Variants in CBLB observed in about 807,000 individuals in gnomAD.
CBLB encodes the protein Cbl proto-oncogene B, also known as E3 ubiquitin-protein ligase CBL-B.
Under a neutral mutation model 104.9 loss-of-function variants are expected in CBLB, and 31 were observed. The observed-to-expected ratio is 0.30, with a 90% CI of 0.22 to 0.40. The LOEUF (loss-of-function observed/expected upper bound fraction) is 0.40, where lower values mean the gene tolerates loss of function less well. Among genes scored for constraint, CBLB ranks in the 10% least tolerant of loss-of-function variants. The pLI, the probability that CBLB is intolerant of heterozygous loss-of-function variation, is 1.00. For missense variants in CBLB, 1,062 were observed against 1,214.6 expected (o/e 0.87, Z 1.87); for synonymous variants, 440 against 422.6 (o/e 1.04, Z -0.51).
In CBLB at chr3:105,816,315, C is replaced by T. The variant is rs369633741; in HGVS notation, c.419+37099G>A. Among the ~76,000 whole-genome samples the T allele has an allele frequency of 5.6e-4, 85 of 152,048 alleles. No homozygotes were observed. In the East Asian group the frequency reaches 5.6e-3, roughly 10 times the overall value. ...GACTGCCCTTATTAATTTTAAAAAA[C>T]GAACAAATTGGCTGCTCCAAAATCA... On this transcript the variant is annotated intron_variant, in intron 3 of 18. Coordinates refer to ENST00000394030, the MANE Select transcript of CBLB (RefSeq NM_170662.5).
rs1319914017 is a variant in CBLB, at chr3:105,824,325, G to A, written c.419+29089C>T. On this transcript the variant is annotated intron_variant, in intron 3 of 18. Transcript: ENST00000394030. Reference sequence around the variant, plus strand: ...GGCTCTGTAACATGTACTATTGGTGGAGACTGTTACCATGGATGCAAAGTC... The same window carrying A: ...GGCTCTGTAACATGTACTATTGGTGAAGACTGTTACCATGGATGCAAAGTC... 2.6e-5 allele frequency: 4 copies of A among 152,148 alleles called. No individual in the cohort carries two copies. In the East Asian group the frequency reaches 7.7e-4, roughly 29 times the overall value. The allele number at this position is 152,148 out of a possible 1,614,324, so 9.4% of individuals were successfully genotyped here.
intron 6 of CBLB, among the ~76,000 whole-genome samples, chr3:105,743,137 T>C (rs1239415350): frequency 1.3e-5 from 2 of 152,186 alleles, no homozygotes; most frequent in African/African-American, 2.4e-5. Flanking sequence ...TTTTAGCACC[T>C]TGCTCTCTTA....
At chr3:105,782,631 G>A (rs2080423506) in intron 3 of CBLB, among the ~76,000 whole-genome samples, 1 of 149,346 alleles carries the variant, frequency 6.7e-6, no homozygotes, top group South Asian at 2.1e-4. Context: ...TATTGCCCAG[G>A]CTGGAATGCA....
At chr3:105,741,103 T>TTTG (rs1485545744) in intron 6 of CBLB, among the ~76,000 whole-genome samples, 2 of 127,462 alleles carry the variant, frequency 1.6e-5, no homozygotes, top group Middle Eastern at 4.0e-3. Flanking sequence ...GGGTTTTTTT[T>TTTG]TTTTTTTTTT....
chr3:105,822,367 A>C (rs529907927), intron 3 of CBLB, among the ~76,000 whole-genome samples: 24 of 152,210 alleles, frequency 1.6e-4, no homozygotes, highest in Non-Finnish European at 2.8e-4. Flanking sequence ...TATTCTCAGG[A>C]TGAGCATTCT....
Position 105,658,457 on chromosome 3 carries a change from G to C in CBLB, c.*513C>G, listed in dbSNP as rs933472700. 74 of 227,032 alleles carry C rather than the reference G, an allele frequency of 3.3e-4. No individual in the cohort carries two copies. Among genetic ancestry groups the C allele is most frequent in the African/African-American group, 1.6e-3 (71 of 44,786 alleles). 14.1% of individuals were successfully genotyped at this position (227,032 alleles called of 1,614,324 possible). On this transcript the variant is annotated 3_prime_UTR_variant, in exon 19 of 19. Transcript: ENST00000394030. ...AACCTTCAAAGCATCTTGTGAATGA[G>C]AGAAATGGAACTGGACCTGGGCAAG...
intron 3 of CBLB, among the ~76,000 whole-genome samples, chr3:105,826,115 A>ACAGCATGT (rs2086543231): frequency 4.8e-5 from 1 of 20,646 alleles, no homozygotes; most frequent in Non-Finnish European, 1.6e-4. Flanking sequence ...TGACAGCATG[A>ACAGCATGT]CATGGATCCA....
rs978090379 is a variant in CBLB at position 105,658,796 on chromosome 3, C to T, written c.*174G>A. 9.0e-6 allele frequency: 6 copies of T among 668,820 alleles called. No homozygotes were observed. Among genetic ancestry groups the T allele is most frequent in the South Asian group, 3.9e-5 (2 of 51,308 alleles). 41.4% of individuals were successfully genotyped at this position (668,820 alleles called of 1,614,324 possible). On this transcript the variant is annotated 3_prime_UTR_variant, in exon 19 of 19. Coordinates refer to ENST00000394030, the MANE Select transcript of CBLB (RefSeq NM_170662.5). The stretch of plus-strand genomic sequence containing the variant: ...GCAAAAACAAGGAAGCCACAGCTGT[C>T]GACATCCTGAGCAAGCATCGGTCTC...
At chr3:105,791,555 GATAAAGAGACTC>G (rs1403895077) in intron 3 of CBLB, among the ~76,000 whole-genome samples, 1 of 152,198 alleles carries the variant, frequency 6.6e-6, no homozygotes, top group Non-Finnish European at 1.5e-5. Context: ...TAATTCTCTT[GATAAAGAGACTC>G]CTAGCAGCTC....
At chr3:105,838,784 C>T (rs923735349) in intron 3 of CBLB, among the ~76,000 whole-genome samples, 5 of 151,706 alleles carry the variant, frequency 3.3e-5, no homozygotes, top group African/African-American at 7.3e-5. Flanking sequence ...TGATTACAGG[C>T]GCATGCCACC....
intron 4 of CBLB, among the ~76,000 whole-genome samples, chr3:105,756,256 T>C (rs562847320): frequency 6.6e-6 from 1 of 152,262 alleles, no homozygotes; most frequent in East Asian, 1.9e-4. Context: ...GATTAAACTA[T>C]AGGAAATAAG....
Position 105,743,732 on chromosome 3 carries a change from TA to T in CBLB, c.845+2184del, listed in dbSNP as rs757956619. On this transcript the variant is annotated intron_variant, in intron 6 of 18. Coordinates refer to ENST00000394030, the MANE Select transcript of CBLB (RefSeq NM_170662.5). ...CAAAGACATGAAATACTTTCCAAGATAAAAAAAAAAAAAATGTTAAACACAG... is the reference window on the plus strand; with the variant it reads ...CAAAGACATGAAATACTTTCCAAGATAAAAAAAAAAAAATGTTAAACACAG... Among the ~76,000 whole-genome samples the T allele has an allele frequency of 6.9e-3, 928 of 134,058 alleles. 4 individuals carry two copies. The highest frequency in any genetic ancestry group is 0.01 in the African/African-American group (373 of 36,858). The allele number at this position is 134,058 out of a possible 152,430, so 87.9% of individuals were successfully genotyped here.
At chr3:105,806,370 T>C (rs985922131) in intron 3 of CBLB, among the ~76,000 whole-genome samples, 1 of 151,090 alleles carries the variant, frequency 6.6e-6, no homozygotes, top group African/African-American at 2.4e-5. Context: ...AGGAATACAA[T>C]CCTCAATGGG....
intron 17 of CBLB, chr3:105,670,753 C>T (rs112404314): frequency 8.4e-4 from 163 of 194,496 alleles, no homozygotes; most frequent in African/African-American, 3.7e-3. Context: ...TTGGATCCTC[C>T]CTATAAGAGT....
intron 18 of CBLB, among the ~76,000 whole-genome samples, chr3:105,664,385 T>C (rs866267899): frequency 4.6e-5 from 7 of 152,176 alleles, no homozygotes; most frequent in South Asian, 2.1e-4. Flanking sequence ...AATAATGTGG[T>C]AAAATACTTA....
At chr3:105,759,364 G>A (rs536053286) in intron 4 of CBLB, among the ~76,000 whole-genome samples, 2 of 152,152 alleles carry the variant, frequency 1.3e-5, no homozygotes, top group African/African-American at 4.8e-5. Context: ...CTGACAGCCC[G>A]GCCCTGAGGC....
intron 9 of CBLB, 30 bp downstream of exon 9, chr3:105,733,979 G>A (rs761052041): frequency 6.2e-7 from 1 of 1,606,976 alleles, no homozygotes; most frequent in East Asian, 2.2e-5. Flanking sequence ...GGACATATAA[G>A]AAAGACATCC....
chr3:105,806,007 A>G (rs558822328), intron 3 of CBLB, among the ~76,000 whole-genome samples: 1 of 152,246 alleles, frequency 6.6e-6, no homozygotes, highest in African/African-American at 2.4e-5. Flanking sequence ...ATGTTCCCAC[A>G]GTGCCTATTC....
chr3:105,868,755 C>A lies in CBLB; in HGVS notation c.-34G>T. 1 of 989,604 alleles carries A rather than the reference C, an allele frequency of 1.0e-6. No individual in the cohort carries two copies. The highest frequency in any genetic ancestry group is 1.1e-4 in the East Asian group (1 of 9,442). The allele number at this position is 989,604 out of a possible 1,614,324, so 61.3% of individuals were successfully genotyped here. ...TCTTGCCTTTCGGCGCCGTAGCTGT[C>A]CAGAGACACGCGTGTGCGCGGGTCC... On this transcript the variant is annotated 5_prime_UTR_variant, in exon 1 of 19. Coordinates refer to ENST00000394030, the MANE Select transcript of CBLB (RefSeq NM_170662.5).
Sources: allele counts gnomAD v4.1 joint callset (sites outside exome capture counted in the v4.1 genomes callset), GRCh38; gene constraint gnomAD v4.1.1; transcripts MANE v1.5; gene names NCBI Gene and HGNC (gene_info 2026-07-23, HGNC 2026-07-21).